CPNE8: variants seen among roughly 807,000 people sequenced by gnomAD.
CPNE8 encodes copine-8.
In CPNE8, 45 loss-of-function variants were observed where a neutral mutation model predicts 81.5. The ratio of observed to expected loss-of-function variants is 0.55; its 90% CI spans 0.44 to 0.71. The LOEUF (loss-of-function observed/expected upper bound fraction) is 0.71, where lower values mean the gene tolerates loss of function less well. Among genes scored for constraint, CPNE8 ranks in the 30% least tolerant of loss-of-function variants. The pLI is 0.00. For synonymous variants in CPNE8, 252 were observed against 226.3 expected, an observed-to-expected ratio of 1.11 and a Z score of -1.02; for missense variants, 594 against 672.1, an observed-to-expected ratio of 0.88 and a Z score of 1.28.
At chr12:38,693,622 T>G (rs778610634) in intron 15 of CPNE8, 35 bp downstream of exon 15, 1 of 1,568,112 alleles carries the variant, frequency 6.4e-7, no homozygotes, top group East Asian at 2.3e-5. Context: ...AACATTAATT[T>G]TTCAAAACAT....
At chr12:38,731,911 T>C (rs909321441) in intron 10 of CPNE8, among the ~76,000 whole-genome samples, 2 of 151,672 alleles carry the variant, frequency 1.3e-5, no homozygotes, top group Admixed American at 1.3e-4. Flanking sequence ...CACTGCACTC[T>C]TAAAATTTTC....
At chr12:38,748,498 T>C (rs12580606) in intron 10 of CPNE8, among the ~76,000 whole-genome samples, 7,697 of 146,476 alleles carry the variant, frequency 0.053, 439 homozygotes, top group East Asian at 0.33. Flanking sequence ...CGTAATAGTA[T>C]TTTTTTTTTC....
intron 19 of CPNE8, among the ~76,000 whole-genome samples, chr12:38,659,740 AACTC>A (rs1363667316): frequency 2.0e-5 from 3 of 152,326 alleles, no homozygotes; most frequent in South Asian, 4.1e-4. Context: ...AGGATTAAGA[AACTC>A]ACTCAAAACC....
At chr12:38,687,380 T>C (rs1939557198) in intron 15 of CPNE8, among the ~76,000 whole-genome samples, 1 of 144,476 alleles carries the variant, frequency 6.9e-6, no homozygotes, top group African/African-American at 2.6e-5. Context: ...CTTTCTTTTT[T>C]TTTTTTTTTT....
At chr12:38,792,024 A>AG (rs879621326) in intron 6 of CPNE8, among the ~76,000 whole-genome samples, 9 of 150,954 alleles carry the variant, frequency 6.0e-5, no homozygotes, top group Non-Finnish European at 1.2e-4. Flanking sequence ...AAAAAAAAAA[A>AG]CTTGAGACAA....
At chr12:38,687,197 T>G (rs902021428) in intron 15 of CPNE8, among the ~76,000 whole-genome samples, 1 of 152,014 alleles carries the variant, frequency 6.6e-6, no homozygotes. Flanking sequence ...ACTTTAAAAA[T>G]GTAGGACTGC....
chr12:38,756,566 G>T (rs1941464044), intron 10 of CPNE8, among the ~76,000 whole-genome samples: 1 of 151,850 alleles, frequency 6.6e-6, no homozygotes, highest in Admixed American at 6.6e-5. Context: ...TTATTGCTCT[G>T]GCTGCCACTT....
Position 38,677,523 on chromosome 12 carries a change from A to G in CPNE8, c.1303T>C (p.Tyr435His), listed in dbSNP as rs1338828963. 1 of 1,612,232 alleles carries G rather than the reference A, an allele frequency of 6.2e-7. No individual in the cohort carries two copies. Among genetic ancestry groups the G allele is most frequent in the Non-Finnish European group, 8.5e-7 (1 of 1,178,690 alleles). The change falls in exon 17 of 20, where the codon TAT (tyrosine) becomes CAT (histidine). Residue 435 changes from tyrosine to histidine, a missense_variant. Tyr to His is a moderately conservative substitution (Grantham distance 83). Transcript: ENST00000331366. ...TCTGTAACAATCAGAAGCACAAAAT[A>G]CTGGGAGCCATCCTTTACAGAAGAA... ...YASSVKDGSQ[Y>H]FVLLIVTDGV...
At chr12:38,755,854 A>C (rs984340702) in intron 10 of CPNE8, among the ~76,000 whole-genome samples, 71 of 151,556 alleles carry the variant, frequency 4.7e-4, no homozygotes, top group African/African-American at 1.2e-3. Flanking sequence ...TCCCGGCTAA[A>C]ACGGTGAAAC....
intron 3 of CPNE8, among the ~76,000 whole-genome samples, chr12:38,869,557 A>T (rs1327007464): frequency 2.0e-5 from 3 of 152,142 alleles, no homozygotes; most frequent in Non-Finnish European, 4.4e-5. Flanking sequence ...AGTGTCATTC[A>T]TTTTTTGATC....
At chr12:38,887,899 A>G (rs1944258808) in intron 1 of CPNE8, among the ~76,000 whole-genome samples, 2 of 152,206 alleles carry the variant, frequency 1.3e-5, no homozygotes, top group African/African-American at 4.8e-5. Flanking sequence ...TGCCCACTCT[A>G]AAAGCAGTAA....
At chr12:38,802,812 T>A (rs1479489098) in intron 6 of CPNE8, among the ~76,000 whole-genome samples, 1 of 136,996 alleles carries the variant, frequency 7.3e-6, no homozygotes, top group African/African-American at 2.7e-5. Context: ...CAATAAAAAA[T>A]GATAAAGGGG....
intron 13 of CPNE8, among the ~76,000 whole-genome samples, chr12:38,706,019 A>G (rs1231522602): frequency 1.3e-5 from 2 of 152,156 alleles, no homozygotes; most frequent in African/African-American, 4.8e-5. Context: ...AAGAGAAGAT[A>G]CTATCATCCT....
At chr12:38,782,000 T>C (rs11169511) in intron 6 of CPNE8, among the ~76,000 whole-genome samples, 43,812 of 151,984 alleles carry the variant, frequency 0.29, 8,192 homozygotes, top group Non-Finnish European at 0.41. Flanking sequence ...AATTCTGGTA[T>C]AAAAAGAACA....
chr12:38,800,927 T>C (rs1478564914), intron 6 of CPNE8, among the ~76,000 whole-genome samples: 11 of 131,084 alleles, frequency 8.4e-5, no homozygotes, highest in African/African-American at 3.2e-4. Flanking sequence ...ATGAAATGAA[T>C]GAAATGAAGC....
At chr12:38,692,204 G>T (rs902654258) in intron 15 of CPNE8, among the ~76,000 whole-genome samples, 1 of 151,982 alleles carries the variant, frequency 6.6e-6, no homozygotes, top group Non-Finnish European at 1.5e-5. Context: ...CACGAGAACT[G>T]CTTGAACCGG....
intron 10 of CPNE8, among the ~76,000 whole-genome samples, chr12:38,756,717 A>G (rs978422588): frequency 6.6e-6 from 1 of 152,202 alleles, no homozygotes; most frequent in Non-Finnish European, 1.5e-5. Flanking sequence ...CTAGACTTCT[A>G]CTAAATGCAG....
intron 6 of CPNE8, among the ~76,000 whole-genome samples, chr12:38,814,542 T>G (rs1208557573): frequency 2.6e-5 from 4 of 152,016 alleles, no homozygotes; most frequent in Non-Finnish European, 4.4e-5. Context: ...AGGCTGGTCT[T>G]GAACTTGTGA....
At chr12:38,690,506 C>T (rs1169282610) in intron 15 of CPNE8, among the ~76,000 whole-genome samples, 1 of 152,130 alleles carries the variant, frequency 6.6e-6, no homozygotes, top group African/African-American at 2.4e-5. Context: ...AGAGGCTATT[C>T]TTCATAGATT....
Sources: gnomAD v4.1 joint callset for allele counts (sites outside exome capture counted in the v4.1 genomes callset) on GRCh38, gnomAD v4.1.1 for gene constraint, MANE v1.5 for transcripts, NCBI Gene and HGNC (gene_info 2026-07-23, HGNC 2026-07-21) for gene names.